Variants in LIAS observed in about 807,000 individuals in gnomAD.
LIAS encodes the protein lipoyl synthase, mitochondrial.
A neutral mutation model predicts 49.4 loss-of-function variants in LIAS; 36 were observed. The ratio of observed to expected loss-of-function variants is 0.73; its 90% CI spans 0.56 to 0.96. LIAS has a LOEUF of 0.96. Ranked by LOEUF, LIAS falls within the 40% of genes least tolerant of loss-of-function variation. The pLI, the probability that LIAS is intolerant of heterozygous loss-of-function variation, is 0.00. For synonymous variants in LIAS, 145 were observed against 155.8 expected, an observed-to-expected ratio of 0.93 and a Z score of 0.52; for missense variants, 399 against 456.3, an observed-to-expected ratio of 0.87 and a Z score of 1.14.
intron 6 of LIAS, 44 bp downstream of exon 6, chr4:39,465,386 C>A: frequency 1.3e-6 from 2 of 1,531,546 alleles, no homozygotes; most frequent in South Asian, 1.2e-5. Flanking sequence ...CTTTTTGGAC[C>A]CATATGAGTT....
At chr4:39,468,315 A>T (rs1211740505) in intron 7 of LIAS, 1 of 151,190 alleles carries the variant, frequency 6.6e-6, no homozygotes, top group Non-Finnish European at 1.5e-5. Context: ...CCCCGTCTCT[A>T]CTAAAAATAC....
At chr4:39,459,204 A>G (rs772875462) in intron 1 of LIAS, 42 bp downstream of exon 1, 149 of 1,586,016 alleles carry the variant, frequency 9.4e-5, no homozygotes, top group Non-Finnish European at 3.4e-6. Flanking sequence ...GGGTGGGGGG[A>G]TCCTATCCCT....
rs760569998 is a variant in LIAS, at chr4:39,465,170, AT to A, written c.520del (p.Tyr174MetfsTer4). Reference sequence around the variant, plus strand: ...AAGGCAATTGCAGAATGGGGTCTGGATTATGTTGTCCTGACATCTGTGGATC... The same window carrying A: ...AAGGCAATTGCAGAATGGGGTCTGGATATGTTGTCCTGACATCTGTGGATC... ...TAKAIAEWGL[D>X]YVVLTSVDRD... On this transcript the variant is annotated frameshift_variant, in exon 5 of 11. Transcript: ENST00000640888. LOFTEE classifies it high-confidence loss of function. 3.7e-6 allele frequency: 6 copies of A among 1,614,178 alleles called. No individual in the cohort carries two copies. The highest frequency in any genetic ancestry group is 5.1e-6 in the Non-Finnish European group (6 of 1,180,014).
chr4:39,467,801 A>C (rs1236097724), intron 7 of LIAS, 155 bp downstream of exon 7: 3 of 589,086 alleles, frequency 5.1e-6, no homozygotes, highest in Non-Finnish European at 8.0e-6. Context: ...TGTCTCTTAC[A>C]TAAAAATCAG....
chr4:39,469,924 C>A, intron 7 of LIAS, 95 bp from the exon 8 acceptor site: 1 of 1,103,966 alleles, frequency 9.1e-7, no homozygotes, highest in Non-Finnish European at 1.3e-6. Flanking sequence ...AGATAATGTG[C>A]AGAATGTACT....
chr4:39,465,411 T>C lies in LIAS; in HGVS notation c.608+69T>C, dbSNP rs559275456. ...CCATATGAGTTAAGTTTAAGTTCAT[T>C]ACCTTGAAACAGGGATTATTCACTT... On this transcript the variant is annotated intron_variant, in intron 6 of 10. Transcript: ENST00000640888. 71 of 1,312,046 alleles carry C rather than the reference T, an allele frequency of 5.4e-5. No homozygotes were observed. The African/African-American group carries it at 9.9e-4, about 18-fold the overall frequency. The allele number at this position is 1,312,046 out of a possible 1,614,324, so 81.3% of individuals were successfully genotyped here.
chr4:39,459,071 A>G lies in LIAS; in HGVS notation c.-47A>G. The G allele has an allele frequency of 1.2e-6, 2 of 1,606,554 alleles. No individual in the cohort carries two copies. The highest frequency in any genetic ancestry group is 1.7e-4 in the Middle Eastern group (1 of 6,042). ...TAATTTCGACCTGTCCTTTCCCGGG[A>G]GTTAGCGATCCCTCAACCCCTGCAC... On this transcript the variant is annotated 5_prime_UTR_variant, in exon 1 of 11. Coordinates refer to ENST00000640888, the MANE Select transcript of LIAS (RefSeq NM_006859.4).
In LIAS at chr4:39,467,499, T is replaced by C. The variant is rs1169661442; in HGVS notation, c.609-19T>C. The C allele has an allele frequency of 4.5e-6, 7 of 1,560,378 alleles. No homozygotes were observed. In the African/African-American group the frequency reaches 9.6e-5, roughly 21 times the overall value. On this transcript the variant is annotated intron_variant, in intron 6 of 10. Coordinates refer to ENST00000640888, the MANE Select transcript of LIAS (RefSeq NM_006859.4). Reference sequence around the variant, plus strand: ...TCAGTTCTTTCTCTCTGTTTGATAATTCTCTCTTTTCCCCTTAGGAATCCA... The same window carrying C: ...TCAGTTCTTTCTCTCTGTTTGATAACTCTCTCTTTTCCCCTTAGGAATCCA...
intron 10 of LIAS, chr4:39,475,248 G>C (rs1431585041): frequency 6.6e-6 from 1 of 151,854 alleles, no homozygotes; most frequent in African/African-American, 2.4e-5. Flanking sequence ...GGGCATGGTG[G>C]TGTGTGCCTG....
In LIAS at chr4:39,465,197, G is replaced by A. The variant is rs1173966144; in HGVS notation, c.545G>A (p.Arg182Gln). 5 of 1,613,630 alleles carry A rather than the reference G, an allele frequency of 3.1e-6. No individual in the cohort carries two copies. The highest frequency in any genetic ancestry group is 2.2e-5 in the East Asian group (1 of 44,870). Reference sequence around the variant, plus strand: ...TATGTTGTCCTGACATCTGTGGATCGAGATGGTTAGTGTGTCATCATGGCC... The same window carrying A: ...TATGTTGTCCTGACATCTGTGGATCAAGATGGTTAGTGTGTCATCATGGCC... ...LDYVVLTSVD[R>Q]DDMPDGGAEH... The change falls in exon 5 of 11, where the codon CGA (arginine) becomes CAA (glutamine). Residue 182 changes from arginine (R) to glutamine (Q), a missense_variant. By Grantham distance (43) the Arg-to-Gln change is conservative. This residue lies in a region of LIAS where 234 missense variants were observed against 292.2 expected (regional missense o/e 0.80). Transcript: ENST00000640888.
Position 39,470,071 on chromosome 4 carries a change from C to T in LIAS, c.790C>T (p.His264Tyr), listed in dbSNP as rs1279488186. 2 of 1,613,962 alleles carry T rather than the reference C, an allele frequency of 1.2e-6. No homozygotes were observed. Among genetic ancestry groups the T allele is most frequent in the East Asian group, 4.5e-5 (2 of 44,880 alleles). Residue 264 changes from histidine to tyrosine, a missense_variant, in exon 8 of 11, where the codon CAT (histidine) becomes TAT (tyrosine). Around this residue, in one of 3 missense-constraint regions of LIAS, gnomAD observed 234 missense variants for 292.2 expected, o/e 0.80. Transcript: ENST00000640888. ...TGATCAGTCCCTACGTGTACTGAAACATGCCAAGAAGGTTCAGCCTGATGT... is the reference window on the plus strand; with the variant it reads ...TGATCAGTCCCTACGTGTACTGAAATATGCCAAGAAGGTTCAGCCTGATGT... ...NFDQSLRVLKHAKKVQPDVIS... is the reference protein window; with the variant it reads ...NFDQSLRVLKYAKKVQPDVIS...
rs1449316597 is a variant in LIAS, at chr4:39,479,347, C to A, written c.*2232C>A. On this transcript the variant is annotated 3_prime_UTR_variant, in exon 11 of 11. Transcript: ENST00000640888. ...CCTGAACAACATGGTGAAACACTGT[C>A]TCTACTAAAAATTAAAAAATTAGCC... The A allele has an allele frequency of 6.6e-6, 1 of 151,200 alleles. No individual in the cohort carries two copies. Among genetic ancestry groups the A allele is most frequent in the Non-Finnish European group, 1.5e-5 (1 of 67,904 alleles). 9.4% of individuals were successfully genotyped at this position (151,200 alleles called of 1,614,324 possible).
chr4:39,472,512 G>A (rs1560672523), intron 9 of LIAS, among the ~76,000 whole-genome samples: 1 of 152,124 alleles, frequency 6.6e-6, no homozygotes, highest in Non-Finnish European at 1.5e-5. Flanking sequence ...CACAACTCAA[G>A]TGAACCTAGA....
intron 7 of LIAS, chr4:39,468,841 T>G (rs374376759): frequency 6.9e-6 from 1 of 145,088 alleles, no homozygotes; most frequent in African/African-American, 2.5e-5. Flanking sequence ...GCCATGGTAC[T>G]CCATCCTGGG....
intron 9 of LIAS, among the ~76,000 whole-genome samples, chr4:39,472,763 G>A (rs1745042891): frequency 6.6e-6 from 1 of 152,216 alleles, no homozygotes; most frequent in Admixed American, 6.5e-5. Context: ...AATCAGATAA[G>A]CATGAGTAAT....
chr4:39,460,751 A>G, intron 1 of LIAS, 39 bp from the exon 2 acceptor site: 1 of 1,489,826 alleles, frequency 6.7e-7, no homozygotes, highest in Non-Finnish European at 9.0e-7. Flanking sequence ...ATTATTACGG[A>G]CTCCACTAAA....
rs192603340 is a variant in LIAS at position 39,469,804 on chromosome 4, C to T, written c.738-215C>T. On this transcript the variant is annotated intron_variant, in intron 7 of 10. Transcript: ENST00000640888. ...AACTGAAGTAATTTCTTCCATTCTA[C>T]TTTTCTCTGCCCCAGGCTTGAGATA... is the stretch of plus-strand genomic sequence containing the variant. 165 of 401,354 alleles carry T rather than the reference C, an allele frequency of 4.1e-4. 1 individual carries two copies. The highest frequency in any genetic ancestry group is 3.2e-3 in the African/African-American group (157 of 48,966). The allele number at this position is 401,354 out of a possible 1,614,324, so 24.9% of individuals were successfully genotyped here.
chr4:39,461,133 T>G (rs1469730792), intron 2 of LIAS, among the ~76,000 whole-genome samples, 171 bp downstream of exon 2: 1 of 152,176 alleles, frequency 6.6e-6, no homozygotes, highest in Non-Finnish European at 1.5e-5. Context: ...CAGATGAAAT[T>G]TTTGGAATCT....
intron 3 of LIAS, among the ~76,000 whole-genome samples, chr4:39,463,225 A>G (rs143138915): frequency 2.0e-5 from 3 of 151,642 alleles, no homozygotes; most frequent in African/African-American, 4.8e-5. Flanking sequence ...AGCTGGGAGT[A>G]TAGGTGCACA....
Sources: gnomAD v4.1 joint callset for allele counts (sites outside exome capture counted in the v4.1 genomes callset) on GRCh38, gnomAD v4.1.1 for gene constraint, gnomAD v4.1.1 regional missense constraint, MANE v1.5 for transcripts, NCBI Gene and HGNC (gene_info 2026-07-23, HGNC 2026-07-21) for gene names.